Variants in CNBD1 observed in about 807,000 individuals in gnomAD.
CNBD1 encodes cyclic nucleotide-binding domain-containing protein 1.
A neutral mutation model predicts 54.4 loss-of-function variants in CNBD1; 71 were observed. That is an observed-to-expected ratio of 1.30 (90% confidence interval 1.08 to 1.59). The LOEUF (loss-of-function observed/expected upper bound fraction) is 1.59, where lower values mean the gene tolerates loss of function less well. Among genes scored for constraint, CNBD1 ranks in the 40% most tolerant of loss-of-function variants. The pLI is 0.00. For synonymous variants in CNBD1, 182 were observed against 170.7 expected (o/e 1.07, Z -0.51); for missense variants, 659 against 518.0 (o/e 1.27, Z -2.64).
At chr8:87,316,834 T>C (rs1809396323) in intron 8 of CNBD1, among the ~76,000 whole-genome samples, 1 of 151,902 alleles carries the variant, frequency 6.6e-6, no homozygotes, top group Non-Finnish European at 1.5e-5. Flanking sequence ...AGTGTATATC[T>C]ATTTACAACT....
intron 4 of CNBD1, among the ~76,000 whole-genome samples, chr8:87,013,543 C>T (rs547498564): frequency 5.3e-5 from 8 of 151,100 alleles, no homozygotes; most frequent in African/African-American, 1.7e-4. Flanking sequence ...TTTAAATCTG[C>T]TGTTACTTTT....
chr8:87,392,052 G>C (rs535379920), intron 2 of CNBD1, among the ~76,000 whole-genome samples: 64 of 152,020 alleles, frequency 4.2e-4, no homozygotes, highest in African/African-American at 1.4e-3. Context: ...CACAGAAAAA[G>C]GTACTCACTT....
intron 4 of CNBD1, among the ~76,000 whole-genome samples, chr8:86,941,442 G>A (rs1199498219): frequency 6.6e-6 from 1 of 152,150 alleles, no homozygotes; most frequent in Non-Finnish European, 1.5e-5. Context: ...CAAAATTTTA[G>A]TTTCCAGAAA....
chr8:87,328,833 A>G (rs1361927323), intron 8 of CNBD1, among the ~76,000 whole-genome samples: 2 of 152,064 alleles, frequency 1.3e-5, no homozygotes, highest in Admixed American at 1.3e-4. Context: ...TGGTAACTGT[A>G]TTCATAAATA....
chr8:87,146,631 A>G (rs1205560197), intron 4 of CNBD1, among the ~76,000 whole-genome samples: 1 of 152,070 alleles, frequency 6.6e-6, no homozygotes, highest in African/African-American at 2.4e-5. Context: ...TATCCTACTT[A>G]TTCCAGCCAC....
chr8:87,021,949 G>A (rs1456364082), intron 4 of CNBD1, among the ~76,000 whole-genome samples: 4 of 151,800 alleles, frequency 2.6e-5, no homozygotes, highest in Admixed American at 6.6e-5. Flanking sequence ...TAATAGATAA[G>A]TATTTTTATG....
chr8:86,888,647 T>G (rs559664499), intron 2 of CNBD1, among the ~76,000 whole-genome samples: 7 of 152,220 alleles, frequency 4.6e-5, no homozygotes, highest in African/African-American at 1.4e-4. Context: ...TCCAGAAGTG[T>G]TAGTTATTTT....
intron 4 of CNBD1, among the ~76,000 whole-genome samples, chr8:86,961,959 TA>T (rs111857090): frequency 0.14 from 21,640 of 152,158 alleles, 2,178 homozygotes; most frequent in African/African-American, 0.29. Flanking sequence ...TTGCTAACCC[TA>T]GGGGTGGAGC....
intron 10 of CNBD1, among the ~76,000 whole-genome samples, chr8:87,371,578 G>A (rs928898619): frequency 8.6e-5 from 13 of 151,832 alleles, no homozygotes; most frequent in Admixed American, 3.9e-4. Flanking sequence ...CATTGATGCA[G>A]AAATCCTCAA....
At chr8:87,397,174 A>G (rs1028836799) in intron 2 of CNBD1, among the ~76,000 whole-genome samples, 4 of 151,758 alleles carry the variant, frequency 2.6e-5, no homozygotes, top group Non-Finnish European at 4.4e-5. Flanking sequence ...ATTTTGGGTT[A>G]TTCTTATGCC....
chr8:87,297,047 G>A (rs955678515), intron 8 of CNBD1, among the ~76,000 whole-genome samples: 3 of 150,978 alleles, frequency 2.0e-5, no homozygotes, highest in African/African-American at 7.3e-5. Context: ...GCTTGGTGGC[G>A]GGTGCCTGTA....
chr8:87,320,790 A>G (rs1453695124), intron 8 of CNBD1, among the ~76,000 whole-genome samples: 1 of 152,106 alleles, frequency 6.6e-6, no homozygotes, highest in Non-Finnish European at 1.5e-5. Context: ...TGCAATCACA[A>G]TGTTGCTCAG....
At chr8:87,406,479 C>CA (rs1462159200) in intron 2 of CNBD1, among the ~76,000 whole-genome samples, 82 of 82,708 alleles carry the variant, frequency 9.9e-4, no homozygotes, top group African/African-American at 3.4e-3. Context: ...CACACACACA[C>CA]TTTTTTTTTT....
intron 5 of CNBD1, among the ~76,000 whole-genome samples, chr8:87,219,880 A>G (rs1367540859): frequency 1.3e-5 from 2 of 151,986 alleles, no homozygotes; most frequent in Admixed American, 1.3e-4. Flanking sequence ...ATTTTGACTC[A>G]TTAGTATCTT....
intron 4 of CNBD1, among the ~76,000 whole-genome samples, chr8:87,036,210 T>C (rs1431128684): frequency 6.6e-6 from 1 of 152,200 alleles, no homozygotes; most frequent in Non-Finnish European, 1.5e-5. Flanking sequence ...AAATTCCAAG[T>C]CTTGATCCTT....
At chr8:87,307,851 A>C (rs1443441208) in intron 8 of CNBD1, among the ~76,000 whole-genome samples, 1 of 151,870 alleles carries the variant, frequency 6.6e-6, no homozygotes, top group African/African-American at 2.4e-5. Flanking sequence ...AACTCAATGA[A>C]GCAAGAGAAA....
In CNBD1 at chr8:87,299,400, A is replaced by G. The variant is rs746473372; in HGVS notation, c.1042+12729A>G. 1.2e-4 allele frequency among the ~76,000 whole-genome samples: 19 copies of G among 152,192 alleles called. No homozygotes were observed. The East Asian group carries it at 1.3e-3, about 11-fold the overall frequency. On this transcript the variant is annotated intron_variant, in intron 8 of 10. Coordinates refer to ENST00000518476, the MANE Select transcript of CNBD1 (RefSeq NM_173538.3). ...AAAAATGCCAAAATGGTGTTTTAAG[A>G]AGCTTTTATTGCTGTAATAAACAGA...
At chr8:87,314,466 A>G (rs1401309259) in intron 8 of CNBD1, among the ~76,000 whole-genome samples, 1 of 151,962 alleles carries the variant, frequency 6.6e-6, no homozygotes, top group East Asian at 1.9e-4. Context: ...GAAAACTTTC[A>G]TGATATGATA....
intron 1 of CNBD1, among the ~76,000 whole-genome samples, chr8:86,880,806 C>T (rs192380035): frequency 4.1e-4 from 63 of 152,266 alleles, no homozygotes; most frequent in Non-Finnish European, 8.2e-4. Context: ...AATCCAGCAG[C>T]ACATCAAAAG....
Sources: allele counts gnomAD v4.1 joint callset (sites outside exome capture counted in the v4.1 genomes callset), GRCh38; gene constraint gnomAD v4.1.1; transcripts MANE v1.5; gene names NCBI Gene and HGNC (gene_info 2026-07-23, HGNC 2026-07-21).